The following FARP2 variants were observed in gnomAD, a reference collection of about 807,000 sequenced individuals.
FARP2 encodes the protein FERM, ARH/RhoGEF and pleckstrin domain protein 2, also known as FERM, ARHGEF and pleckstrin domain-containing protein 2.
Under a neutral mutation model 130.5 loss-of-function variants are expected in FARP2, and 111 were observed. The observed-to-expected ratio is 0.85, with a 90% confidence interval of 0.73 to 1.00. FARP2 has a LOEUF of 1.00. Among genes scored for constraint, FARP2 ranks in the 50% least tolerant of loss-of-function variants. The pLI is 0.00. For synonymous variants in FARP2, 504 were observed against 516.9 expected, an observed-to-expected ratio of 0.98 and a Z score of 0.34; for missense variants, 1,385 against 1,346.3, an observed-to-expected ratio of 1.03 and a Z score of -0.45.
intron 13 of FARP2, chr2:241,444,522 G>A (rs2063466928): frequency 6.6e-6 from 1 of 152,198 alleles, no homozygotes; most frequent in African/African-American, 2.4e-5. Flanking sequence ...AGCAGGTTAG[G>A]TTTGGGTGGT....
chr2:241,491,452 G>A (rs2064908180), intron 23 of FARP2, 64 bp from the exon 24 acceptor site: 2 of 1,576,522 alleles, frequency 1.3e-6, no homozygotes, highest in Non-Finnish European at 1.7e-6. Flanking sequence ...CCCAAGGGGT[G>A]GAAGTATTTG....
At chr2:241,419,802 T>A (rs549044118) in intron 8 of FARP2, among the ~76,000 whole-genome samples, 148 of 152,348 alleles carry the variant, frequency 9.7e-4, no homozygotes, top group Non-Finnish European at 1.6e-3. Flanking sequence ...GTAATTTTTT[T>A]ATTTTTATCA....
At chr2:241,427,982 G>T (rs1488009745) in intron 8 of FARP2, among the ~76,000 whole-genome samples, 1 of 151,964 alleles carries the variant, frequency 6.6e-6, no homozygotes, top group Non-Finnish European at 1.5e-5. Context: ...TAGCCAGGAT[G>T]GTCTCGATCT....
At chr2:241,395,698 T>G (rs2062013546) in intron 2 of FARP2, 1 of 152,238 alleles carries the variant, frequency 6.6e-6, no homozygotes, top group Admixed American at 6.5e-5. Flanking sequence ...AAATGTTTCT[T>G]CCAGTTATGA....
rs781741503 is a variant in FARP2 at position 241,407,548 on chromosome 2, G to A, written c.343G>A (p.Val115Met). ...IIRQIRRPKN[V>M]VLRLAVKFFP... ...TTTTTTTGTTATAGGGCCAAAGAATGTGGTGCTTCGCCTAGCTGTAAAATT... is the reference window on the plus strand; with the variant it reads ...TTTTTTTGTTATAGGGCCAAAGAATATGGTGCTTCGCCTAGCTGTAAAATT... Residue 115 changes from valine to methionine, a missense_variant, in exon 5 of 27, where the codon GTG (valine) becomes ATG (methionine). Physicochemically the swap from Val to Met is conservative, Grantham distance 21 (BLOSUM62 1). Transcript: ENST00000264042. 6.2e-7 allele frequency: 1 copy of A among 1,613,960 alleles called. No individual in the cohort carries two copies. The highest frequency in any genetic ancestry group is 1.3e-5 in the African/African-American group (1 of 75,062).
chr2:241,414,636 A>G (rs1233698284), intron 7 of FARP2, among the ~76,000 whole-genome samples: 6 of 151,940 alleles, frequency 3.9e-5, no homozygotes, highest in Admixed American at 2.0e-4. Context: ...CGTGCACCTC[A>G]CCACTCCCAG....
intron 12 of FARP2, among the ~76,000 whole-genome samples, chr2:241,440,835 G>A (rs899439580): frequency 6.6e-6 from 1 of 152,018 alleles, no homozygotes; most frequent in Admixed American, 6.6e-5. Context: ...CGTGGACCAC[G>A]TGTCATTAGG....
intron 2 of FARP2, among the ~76,000 whole-genome samples, chr2:241,383,881 G>A (rs1010187797): frequency 6.6e-6 from 1 of 152,096 alleles, no homozygotes; most frequent in Non-Finnish European, 1.5e-5. Flanking sequence ...GGCATCTGAG[G>A]AGAGGGTTCT....
chr2:241,357,726 A>G (rs2061100538), intron 1 of FARP2, among the ~76,000 whole-genome samples: 1 of 152,182 alleles, frequency 6.6e-6, no homozygotes, highest in South Asian at 2.1e-4. Flanking sequence ...AACAAACTAA[A>G]TGCTGATGAT....
chr2:241,472,767 G>A (rs757430637), intron 18 of FARP2, among the ~76,000 whole-genome samples: 12 of 150,190 alleles, frequency 8.0e-5, no homozygotes, highest in Non-Finnish European at 1.5e-4. Context: ...ACCCTTTTAT[G>A]TGGGAGATGC....
chr2:241,370,141 T>A (rs1196104969), intron 1 of FARP2, among the ~76,000 whole-genome samples: 3 of 152,164 alleles, frequency 2.0e-5, no homozygotes, highest in Non-Finnish European at 2.9e-5. Context: ...CTATAGTTAA[T>A]ACCTTATTGT....
At chr2:241,395,044 A>G (rs16843617) in intron 2 of FARP2, among the ~76,000 whole-genome samples, 3,280 of 152,228 alleles carry the variant, frequency 0.022, 110 homozygotes, top group African/African-American at 0.068. Flanking sequence ...GTGCTACCTT[A>G]TTACACTCCC....
At chr2:241,487,841 G>T (rs553115287) in intron 21 of FARP2, among the ~76,000 whole-genome samples, 1 of 122,756 alleles carries the variant, frequency 8.1e-6, no homozygotes, top group Admixed American at 1.1e-4. Context: ...TCCACCTCCC[G>T]GGTTCACGCC....
At chr2:241,493,835 G>A in intron 26 of FARP2, 173 bp from the exon 27 acceptor site, 2 of 535,656 alleles carry the variant, frequency 3.7e-6, no homozygotes, top group South Asian at 7.2e-5. Context: ...GACCTCAAGT[G>A]ATCCATCTGC....
intron 13 of FARP2, among the ~76,000 whole-genome samples, chr2:241,452,114 G>T (rs1015595625): frequency 6.6e-6 from 1 of 152,160 alleles, no homozygotes; most frequent in Middle Eastern, 3.2e-3. Flanking sequence ...TAAGACAGAG[G>T]AGCACTACGG....
intron 1 of FARP2, 158 bp from the exon 2 acceptor site, chr2:241,372,926 T>G (rs1362683424): frequency 1.8e-5 from 7 of 389,872 alleles, no homozygotes; most frequent in Non-Finnish European, 2.7e-5. Flanking sequence ...TAGAAAATAA[T>G]CTTTTGTAAC....
chr2:241,438,405 A>T (rs371379108), intron 12 of FARP2, among the ~76,000 whole-genome samples: 36 of 152,000 alleles, frequency 2.4e-4, no homozygotes, highest in African/African-American at 7.0e-4. Context: ...ATTTTTTTTT[A>T]AATTAGCCAG....
intron 2 of FARP2, among the ~76,000 whole-genome samples, chr2:241,396,206 CG>C (rs2150336403): frequency 6.6e-6 from 1 of 151,926 alleles, no homozygotes; most frequent in Non-Finnish European, 1.5e-5. Context: ...AAGACTTAAA[CG>C]TTAGACCTAA....
Position 241,486,461 on chromosome 2 carries a change from CAAAAAAAAAAAAAAAA to C in FARP2, c.2421+2141_2421+2156del, listed in dbSNP as rs56961097. ...CCAGTGACAGAGTGAGACCTCGTCT[CAAAAAAAAAAAAAAAA>C]AAAAAAAAAACACAGAGAAAAGAAA... On this transcript the variant is annotated intron_variant, in intron 21 of 26. Transcript: ENST00000264042. Among the ~76,000 whole-genome samples, 261 of 50,062 alleles carry C rather than the reference CAAAAAAAAAAAAAAAA, an allele frequency of 5.2e-3. 1 individual carries two copies. Among genetic ancestry groups the C allele is most frequent in the Admixed American group, 7.0e-3 (20 of 2,852 alleles). The allele number at this position is 50,062 out of a possible 152,430, so 32.8% of individuals were successfully genotyped here.
Sources: gnomAD v4.1 joint callset for allele counts (sites outside exome capture counted in the v4.1 genomes callset) on GRCh38, gnomAD v4.1.1 for gene constraint, MANE v1.5 for transcripts, NCBI Gene and HGNC (gene_info 2026-07-23, HGNC 2026-07-21) for gene names.